The following MCUB variants were observed in gnomAD, a reference collection of about 807,000 sequenced individuals.
MCUB encodes the protein calcium uniporter regulatory subunit MCUb, mitochondrial.
MCUB carries 46 observed loss-of-function variants against 41.4 expected under a neutral mutation model. The ratio of observed to expected loss-of-function variants is 1.11; its 90% CI spans 0.88 to 1.42. The LOEUF (loss-of-function observed/expected upper bound fraction) is 1.42. Ranked by LOEUF, MCUB falls within the 40% of genes most tolerant of loss-of-function variation. The pLI is 0.00. For missense variants in MCUB, 403 were observed against 404.9 expected, an observed-to-expected ratio of 1.00 and a Z score of 0.04; for synonymous variants, 148 against 148.2, an observed-to-expected ratio of 1.00 and a Z score of 0.01.
intron 1 of MCUB, chr4:109,561,119 G>GAC (rs1726618580): frequency 2.6e-5 from 4 of 152,618 alleles, no homozygotes; most frequent in African/African-American, 4.8e-5. Context: ...TAGAAGAAGG[G>GAC]GAAAGCGCTG....
chr4:109,622,833 C>T (rs1415546223), intron 1 of MCUB, among the ~76,000 whole-genome samples: 1 of 152,150 alleles, frequency 6.6e-6, no homozygotes, highest in African/African-American at 2.4e-5. Context: ...TAGCAATATG[C>T]AGTACAATAC....
At chr4:109,633,445 A>G (rs978279754) in intron 1 of MCUB, among the ~76,000 whole-genome samples, 1 of 151,316 alleles carries the variant, frequency 6.6e-6, no homozygotes, top group Non-Finnish European at 1.5e-5. Context: ...TTTTTTTTGT[A>G]TTTTTAGTAG....
intron 4 of MCUB, among the ~76,000 whole-genome samples, chr4:109,679,879 G>A (rs1253542520): frequency 6.6e-6 from 1 of 152,122 alleles, no homozygotes; most frequent in African/African-American, 2.4e-5. Context: ...TCGGCTCACT[G>A]CAACCTCTGC....
intron 4 of MCUB, among the ~76,000 whole-genome samples, chr4:109,667,566 C>G (rs1460834714): frequency 3.3e-5 from 5 of 149,734 alleles, no homozygotes; most frequent in African/African-American, 1.2e-4. Context: ...CTGTGGGTTT[C>G]CTGTTCTCAA....
intron 1 of MCUB, among the ~76,000 whole-genome samples, chr4:109,571,789 A>G (rs991075598): frequency 2.0e-5 from 3 of 152,210 alleles, no homozygotes; most frequent in African/African-American, 7.2e-5. Flanking sequence ...GTTTTGCAAG[A>G]TGTTATGGCC....
chr4:109,643,130 ATTTTTTT>A (rs1171234464), intron 1 of MCUB, among the ~76,000 whole-genome samples: 3 of 151,816 alleles, frequency 2.0e-5, no homozygotes, highest in Non-Finnish European at 2.9e-5. Context: ...ACAACTTACC[ATTTTTTT>A]AAACATCCAA....
chr4:109,683,731 C>A (rs922465164), intron 5 of MCUB, among the ~76,000 whole-genome samples: 1 of 152,138 alleles, frequency 6.6e-6, no homozygotes, highest in Non-Finnish European at 1.5e-5. Context: ...CATATGGATT[C>A]TTTTAGGACT....
At chr4:109,630,816 G>A (rs1479205164) in intron 1 of MCUB, among the ~76,000 whole-genome samples, 1 of 152,052 alleles carries the variant, frequency 6.6e-6, no homozygotes, top group Non-Finnish European at 1.5e-5. Flanking sequence ...CCCAACATCA[G>A]GTGACCCACC....
Position 109,682,582 on chromosome 4 carries a change from A to G in MCUB, c.452A>G (p.Glu151Gly). The stretch of plus-strand genomic sequence containing the variant: ...TTGTTTCCCTTGTGTCTTTTCTCAG[A>G]AAAACCAAGTAATGAGCACACTGCT... ...IAYDVQCPKR[E>G]KPSNEHTAEM... is the part of the protein sequence containing the mutation. The change falls in exon 5 of 8, where the codon GAA becomes GGA. Residue 151 changes from glutamate to glycine, a missense_variant and splice_region_variant. Physicochemically the swap from Glu to Gly is moderately conservative, Grantham distance 98. Transcript: ENST00000394650. 6.3e-7 allele frequency: 1 copy of G among 1,599,720 alleles called. No individual in the cohort carries two copies. The highest frequency in any genetic ancestry group is 1.7e-4 in the Middle Eastern group (1 of 5,974).
chr4:109,597,147 C>G (rs944487344), intron 1 of MCUB, among the ~76,000 whole-genome samples: 4 of 151,850 alleles, frequency 2.6e-5, no homozygotes, highest in South Asian at 4.2e-4. Flanking sequence ...TACACAGACA[C>G]GGCAACCATC....
At chr4:109,625,587 A>C (rs991270853) in intron 1 of MCUB, among the ~76,000 whole-genome samples, 17 of 152,212 alleles carry the variant, frequency 1.1e-4, no homozygotes, top group African/African-American at 4.1e-4. Flanking sequence ...GGTTAGGTGC[A>C]TTTTCAGCTT....
chr4:109,669,600 ATTC>A (rs1729412267), intron 4 of MCUB, among the ~76,000 whole-genome samples: 5 of 151,524 alleles, frequency 3.3e-5, no homozygotes, highest in African/African-American at 1.2e-4. Flanking sequence ...TAATCAAATA[ATTC>A]TTCTGTTCTT....
At position 109,660,284 on chromosome 4, in the gene MCUB, A is replaced by T; in HGVS notation, c.265A>T (p.Met89Leu). The T allele has an allele frequency of 6.2e-7, 1 of 1,605,456 alleles. No individual in the cohort carries two copies. The highest frequency in any genetic ancestry group is 8.5e-7 in the Non-Finnish European group (1 of 1,172,300). ...ACGTTGTCAATTCGTAGTCAAACCA[A>T]TGTTGTCAACAGTTGGTTCATTCCT... ...KERCQFVVKP[M>L]LSTVGSFLQD... The change falls in exon 3 of 8, where the codon ATG becomes TTG. Residue 89 changes from methionine to leucine, a missense_variant. By Grantham distance (15) the Met-to-Leu change is conservative. Coordinates refer to ENST00000394650, the MANE Select transcript of MCUB (RefSeq NM_017918.5).
chr4:109,575,634 C>T (rs1727009414), intron 1 of MCUB, among the ~76,000 whole-genome samples: 1 of 152,144 alleles, frequency 6.6e-6, no homozygotes, highest in Non-Finnish European at 1.5e-5. Context: ...GTTATGCCTG[C>T]AATTATGTGA....
At chr4:109,635,445 C>T (rs1016368296) in intron 1 of MCUB, among the ~76,000 whole-genome samples, 1 of 152,156 alleles carries the variant, frequency 6.6e-6, no homozygotes, top group African/African-American at 2.4e-5. Flanking sequence ...CATAGCCGCC[C>T]CCACATATCC....
At chr4:109,629,736 C>T (rs546235518) in intron 1 of MCUB, among the ~76,000 whole-genome samples, 3 of 152,188 alleles carry the variant, frequency 2.0e-5, no homozygotes, top group Non-Finnish European at 4.4e-5. Context: ...AAGGGTGTGG[C>T]ACTTCTGTCC....
chr4:109,629,286 A>G (rs903526696), intron 1 of MCUB, among the ~76,000 whole-genome samples: 1 of 152,138 alleles, frequency 6.6e-6, no homozygotes, highest in African/African-American at 2.4e-5. Context: ...GCTTTTGTCC[A>G]GCCTAGACTG....
chr4:109,564,679 T>A (rs188227350), intron 1 of MCUB, among the ~76,000 whole-genome samples: 1 of 152,322 alleles, frequency 6.6e-6, no homozygotes, highest in Admixed American at 6.5e-5. Flanking sequence ...GTAAAAATTA[T>A]GTAAAATCAA....
chr4:109,615,872 G>T (rs984476093), intron 1 of MCUB, among the ~76,000 whole-genome samples: 2 of 152,170 alleles, frequency 1.3e-5, no homozygotes, highest in African/African-American at 4.8e-5. Flanking sequence ...ACTATATGTA[G>T]TGCTGAGGGA....
Sources: allele counts gnomAD v4.1 joint callset (sites outside exome capture counted in the v4.1 genomes callset), GRCh38; gene constraint gnomAD v4.1.1; transcripts MANE v1.5; gene names NCBI Gene and HGNC (gene_info 2026-07-23, HGNC 2026-07-21).